Variants in FLI1 observed in about 807,000 individuals in gnomAD.
FLI1 encodes Fli-1 proto-oncogene, ETS transcription factor, also known as Friend leukemia integration 1 transcription factor.
In FLI1, 13 loss-of-function variants were observed where a neutral mutation model predicts 53.1. The ratio of observed to expected loss-of-function variants is 0.24; its 90% confidence interval spans 0.16 to 0.39. The LOEUF (loss-of-function observed/expected upper bound fraction) is 0.39. FLI1 is among the 10% of genes least tolerant of loss of function. The probability of loss-of-function intolerance (pLI) is 1.00; values close to 1 mark genes in which losing one functional copy is unlikely to be tolerated. For missense variants in FLI1, 424 were observed against 600.5 expected, an observed-to-expected ratio of 0.71 and a Z score of 3.07; for synonymous variants, 244 against 236.7, an observed-to-expected ratio of 1.03 and a Z score of -0.28.
At chr11:128,769,502 C>T (rs1416564446) in intron 3 of FLI1, among the ~76,000 whole-genome samples, 3 of 152,276 alleles carry the variant, frequency 2.0e-5, no homozygotes, top group African/African-American at 7.2e-5. Context: ...CCTGCCTTGG[C>T]CCGTGGTGTT....
At chr11:128,741,975 G>A (rs1940159613) in intron 1 of FLI1, among the ~76,000 whole-genome samples, 1 of 152,192 alleles carries the variant, frequency 6.6e-6, no homozygotes, top group South Asian at 2.1e-4. Flanking sequence ...TTTCCAGAAT[G>A]CTTTTGAGGA....
At chr11:128,757,202 C>A (rs1239930793) in intron 1 of FLI1, among the ~76,000 whole-genome samples, 1 of 152,028 alleles carries the variant, frequency 6.6e-6, no homozygotes, top group Non-Finnish European at 1.5e-5. Flanking sequence ...CCACCTCAGG[C>A]TCCCAAAATG....
At chr11:128,795,753 T>C (rs1005270915) in intron 5 of FLI1, among the ~76,000 whole-genome samples, 3 of 152,114 alleles carry the variant, frequency 2.0e-5, no homozygotes, top group African/African-American at 7.2e-5. Context: ...GGTTTCACCA[T>C]GTTAGTCAGG....
chr11:128,778,267 A>G (rs915125246), intron 4 of FLI1, among the ~76,000 whole-genome samples: 1 of 152,188 alleles, frequency 6.6e-6, no homozygotes, highest in Non-Finnish European at 1.5e-5. Context: ...GAAGTGCGCT[A>G]CGTGAGACAT....
intron 1 of FLI1, among the ~76,000 whole-genome samples, chr11:128,701,692 G>T (rs1168277794): frequency 1.3e-5 from 2 of 152,208 alleles, no homozygotes; most frequent in African/African-American, 4.8e-5. Context: ...TCACCTCAAA[G>T]GGAAGGCAGA....
intron 4 of FLI1, among the ~76,000 whole-genome samples, chr11:128,775,689 T>G (rs1941707841): frequency 4.6e-5 from 7 of 152,238 alleles, no homozygotes; most frequent in Admixed American, 4.6e-4. Flanking sequence ...GTGGATGTTC[T>G]GTGCTTAGGA....
At position 128,686,979 on chromosome 11, in the gene FLI1, C is replaced by T. The variant is rs74595766; in HGVS notation, c.-203+278C>T. On this transcript the variant is annotated intron_variant, in intron 1 of 6. Coordinates refer to the FLI1 transcript ENST00000344954. Reference sequence around the variant, plus strand: ...GCCTGTGCAGGAAGACCGAGCAGCTCGCCGCGTCAGGTCCCAACGGGTGGG... The same window carrying T: ...GCCTGTGCAGGAAGACCGAGCAGCTTGCCGCGTCAGGTCCCAACGGGTGGG... 317 of 158,678 alleles carry T rather than the reference C, an allele frequency of 2.0e-3. 9 individuals are homozygous for T. The East Asian group carries it at 0.045, about 22-fold the overall frequency. 9.8% of individuals were successfully genotyped at this position (158,678 alleles called of 1,614,324 possible).
intron 2 of FLI1, among the ~76,000 whole-genome samples, chr11:128,767,535 A>AAC (rs1190664233): frequency 1.3e-5 from 2 of 152,220 alleles, no homozygotes; most frequent in African/African-American, 4.8e-5. Flanking sequence ...ATTCGAATAC[A>AAC]ACAGTGCATA....
chr11:128,694,176 G>A lies in FLI1; in HGVS notation c.-83G>A, dbSNP rs1937909539. 2.7e-6 allele frequency: 4 copies of A among 1,463,736 alleles called. No individual in the cohort carries two copies. Among genetic ancestry groups the A allele is most frequent in the Non-Finnish European group, 3.6e-6 (4 of 1,100,332 alleles). 90.7% of individuals were successfully genotyped at this position (1,463,736 alleles called of 1,614,324 possible). Reference sequence around the variant, plus strand: ...CAGGGCGCCAGGGAGGCCGCGCCGGGCTAATCCGAAGGGGCTGCGAGGTCA... The same window carrying A: ...CAGGGCGCCAGGGAGGCCGCGCCGGACTAATCCGAAGGGGCTGCGAGGTCA... On this transcript the variant is annotated 5_prime_UTR_variant, in exon 1 of 9. Transcript: ENST00000527786.
At chr11:128,738,827 C>A (rs1940011889) in intron 1 of FLI1, among the ~76,000 whole-genome samples, 1 of 152,076 alleles carries the variant, frequency 6.6e-6, no homozygotes, top group Non-Finnish European at 1.5e-5. Flanking sequence ...ATGTCAGAAC[C>A]AAAAAACCCA....
chr11:128,694,611 A>G (rs1393360598), intron 1 of FLI1, among the ~76,000 whole-genome samples: 1 of 149,318 alleles, frequency 6.7e-6, no homozygotes, highest in Non-Finnish European at 1.5e-5. Flanking sequence ...AGGGCGAGAG[A>G]CCTCGGGGTC....
At chr11:128,750,079 C>A (rs1940577661) in intron 1 of FLI1, among the ~76,000 whole-genome samples, 1 of 152,218 alleles carries the variant, frequency 6.6e-6, no homozygotes, top group Non-Finnish European at 1.5e-5. Context: ...TGTCATTATG[C>A]AAATAATGTA....
chr11:128,767,529 G>C (rs490732), intron 2 of FLI1, among the ~76,000 whole-genome samples: 1 of 152,100 alleles, frequency 6.6e-6, no homozygotes, highest in African/African-American at 2.4e-5. Flanking sequence ...TGGGAAATTC[G>C]AATACAACAG....
upstream of FLI1, among the ~76,000 whole-genome samples, chr11:128,691,281 C>G (rs1355172609): frequency 6.6e-6 from 1 of 152,216 alleles, no homozygotes; most frequent in Non-Finnish European, 1.5e-5. Context: ...GGGCGCTTCC[C>G]CCATCCCCTT....
intron 5 of FLI1, among the ~76,000 whole-genome samples, chr11:128,800,005 T>G (rs745380350): frequency 6.6e-6 from 1 of 152,212 alleles, no homozygotes; most frequent in Non-Finnish European, 1.5e-5. Flanking sequence ...ACCTGCAGTT[T>G]CTTCCCTGTC....
intron 1 of FLI1, among the ~76,000 whole-genome samples, chr11:128,709,417 T>C (rs1379127260): frequency 1.3e-5 from 2 of 152,210 alleles, no homozygotes; most frequent in African/African-American, 2.4e-5. Context: ...TGCATGTGGT[T>C]AAATTCACCA....
intron 1 of FLI1, among the ~76,000 whole-genome samples, chr11:128,754,115 A>C (rs532400719): frequency 1.3e-5 from 2 of 152,278 alleles, no homozygotes; most frequent in South Asian, 2.1e-4. Context: ...TGAGCCAGAC[A>C]GGGAACTCTT....
At chr11:128,737,816 C>T (rs1939969854) in intron 1 of FLI1, among the ~76,000 whole-genome samples, 1 of 152,204 alleles carries the variant, frequency 6.6e-6, no homozygotes, top group Non-Finnish European at 1.5e-5. Flanking sequence ...TTCTATCTAC[C>T]TGCAGACAAA....
In FLI1 at chr11:128,743,638, A is replaced by G. The variant is rs1940239296; in HGVS notation, c.19-14477A>G. ...ATGTCCTTGAGACAGACAGACAGGCATGGCTCTGTTGGGCAAGGTTGGCAC... is the reference window on the plus strand; with the variant it reads ...ATGTCCTTGAGACAGACAGACAGGCGTGGCTCTGTTGGGCAAGGTTGGCAC... On this transcript the variant is annotated intron_variant, in intron 1 of 8. Coordinates refer to ENST00000527786, the MANE Select transcript of FLI1 (RefSeq NM_002017.5). Among the ~76,000 whole-genome samples, 3 of 152,142 alleles carry G rather than the reference A, an allele frequency of 2.0e-5. No homozygotes were observed. In the South Asian group the frequency reaches 6.2e-4, roughly 32 times the overall value.
Sources: allele counts gnomAD v4.1 joint callset (sites outside exome capture counted in the v4.1 genomes callset), GRCh38; gene constraint gnomAD v4.1.1; transcripts MANE v1.5; gene names NCBI Gene and HGNC (gene_info 2026-07-23, HGNC 2026-07-21).